CDH13: variants seen among roughly 807,000 people sequenced by gnomAD.
The protein encoded by CDH13 is cadherin 13.
A neutral mutation model predicts 63.8 loss-of-function variants in CDH13; 24 were observed. The ratio of observed to expected loss-of-function variants is 0.38; its 90% confidence interval spans 0.27 to 0.53. The LOEUF (loss-of-function observed/expected upper bound fraction) is 0.53. Ranked by LOEUF, CDH13 falls within the 20% of genes least tolerant of loss-of-function variation. The pLI is 0.85. For missense variants in CDH13, 1,049 were observed against 903.1 expected (o/e 1.16, Z -2.07); for synonymous variants, 503 against 355.3 (o/e 1.42, Z -4.67).
chr16:83,591,585 C>T (rs1480069992), intron 7 of CDH13, among the ~76,000 whole-genome samples: 1 of 152,182 alleles, frequency 6.6e-6, no homozygotes. Flanking sequence ...CTGTTGCAGC[C>T]TGATGTCTCC....
intron 1 of CDH13, among the ~76,000 whole-genome samples, chr16:82,761,349 A>G (rs934619385): frequency 6.6e-6 from 1 of 152,118 alleles, no homozygotes; most frequent in East Asian, 1.9e-4. Context: ...GAGGTGACAA[A>G]TATCCAAATC....
At chr16:83,101,186 A>C (rs114827445) in intron 3 of CDH13, among the ~76,000 whole-genome samples, 9,091 of 151,246 alleles carry the variant, frequency 0.06, 317 homozygotes, top group Non-Finnish European at 0.072. Flanking sequence ...GTCTCTTCTT[A>C]ATAGAAAAGT....
intron 9 of CDH13, among the ~76,000 whole-genome samples, chr16:83,672,752 C>A (rs1178841447): frequency 6.6e-6 from 1 of 152,122 alleles, no homozygotes; most frequent in Non-Finnish European, 1.5e-5. Context: ...TATCTATTTT[C>A]CTTGAGCTGT....
chr16:82,897,627 C>T (rs1285439179), intron 2 of CDH13, among the ~76,000 whole-genome samples: 1 of 152,214 alleles, frequency 6.6e-6, no homozygotes, highest in East Asian at 1.9e-4. Context: ...TAATAAATGA[C>T]TCAGCTCTGT....
At chr16:82,665,860 T>C (rs1912521780) in intron 1 of CDH13, among the ~76,000 whole-genome samples, 1 of 152,276 alleles carries the variant, frequency 6.6e-6, no homozygotes, top group African/African-American at 2.4e-5. Flanking sequence ...ACAAAGCCCA[T>C]TTTATAATGA....
At chr16:83,511,609 A>G (rs748210933) in intron 7 of CDH13, among the ~76,000 whole-genome samples, 19 of 152,240 alleles carry the variant, frequency 1.2e-4, no homozygotes, top group Non-Finnish European at 1.6e-4. Context: ...CCATACAAAC[A>G]TATTTATTAT....
In CDH13 at chr16:83,800,169, G is replaced by T. The variant is rs1904310587; in HGVS notation, c.*5139G>T. 6.6e-6 allele frequency: 1 copy of T among 152,148 alleles called. No homozygotes were observed. The highest frequency in any genetic ancestry group is 1.5e-5 in the Non-Finnish European group (1 of 68,024). The allele number at this position is 152,148 out of a possible 1,614,324, so 9.4% of individuals were successfully genotyped here. ...AAAGCGTTGGGTGGTGTAGGACGAG[G>T]GAGGTTTTCACTCTGAAGCTATGAA... On this transcript the variant is annotated 3_prime_UTR_variant, in exon 14 of 14. Coordinates refer to ENST00000567109, the MANE Select transcript of CDH13 (RefSeq NM_001257.5).
intron 1 of CDH13, among the ~76,000 whole-genome samples, chr16:82,739,309 A>T (rs560748628): frequency 6.6e-6 from 1 of 152,234 alleles, no homozygotes; most frequent in Non-Finnish European, 1.5e-5. Flanking sequence ...TAAAGAAATC[A>T]TCTTCTGCCA....
At chr16:83,220,665 G>GAAAAAAAAAAAAAAAAAAAA (rs2039670725) in intron 5 of CDH13, among the ~76,000 whole-genome samples, 1 of 117,790 alleles carries the variant, frequency 8.5e-6, no homozygotes, top group Non-Finnish European at 1.9e-5. Context: ...GAAAAAAAAA[G>GAAAAAAAAAAAAAAAAAAAA]AAAAAGAAAA....
At chr16:82,675,516 C>A (rs563752430) in intron 1 of CDH13, among the ~76,000 whole-genome samples, 1 of 152,206 alleles carries the variant, frequency 6.6e-6, no homozygotes, top group Non-Finnish European at 1.5e-5. Context: ...AAGAATTTGA[C>A]TCCTTGGCCC....
At chr16:83,021,824 C>G (rs1915375114) in intron 2 of CDH13, among the ~76,000 whole-genome samples, 2 of 152,206 alleles carry the variant, frequency 1.3e-5, no homozygotes, top group African/African-American at 4.8e-5. Context: ...AGTGCTGACT[C>G]TAGGCCAAAC....
intron 6 of CDH13, among the ~76,000 whole-genome samples, chr16:83,373,165 C>T (rs557672971): frequency 6.6e-6 from 1 of 152,102 alleles, no homozygotes; most frequent in Non-Finnish European, 1.5e-5. Flanking sequence ...AAAACGTTTG[C>T]CGTGCATAAC....
intron 4 of CDH13, among the ~76,000 whole-genome samples, chr16:83,166,405 G>A (rs1186926441): frequency 6.6e-6 from 1 of 151,940 alleles, no homozygotes; most frequent in Non-Finnish European, 1.5e-5. Flanking sequence ...ATGAGAGAGG[G>A]GCAAAACTCA....
Position 83,530,540 on chromosome 16 carries a change from A to G in CDH13, c.960+43885A>G, listed in dbSNP as rs531949432. On this transcript the variant is annotated intron_variant, in intron 7 of 13. Coordinates refer to ENST00000567109, the MANE Select transcript of CDH13 (RefSeq NM_001257.5). ...GTTAAGTTGTTGATGAGCAATTGTT[A>G]GGATTAATGGTCTCTGTGAGTCTAC... 3.9e-5 allele frequency among the ~76,000 whole-genome samples: 6 copies of G among 152,332 alleles called. No homozygotes were observed. The East Asian group carries it at 1.2e-3, about 29-fold the overall frequency.
chr16:82,856,007 T>C (rs979930636), intron 1 of CDH13, among the ~76,000 whole-genome samples: 2 of 152,206 alleles, frequency 1.3e-5, no homozygotes, highest in African/African-American at 2.4e-5. Context: ...ATTGAAGTTT[T>C]GTTTTCTAAG....
At chr16:83,439,426 A>G (rs2072419377) in intron 6 of CDH13, among the ~76,000 whole-genome samples, 1 of 152,196 alleles carries the variant, frequency 6.6e-6, no homozygotes, top group Non-Finnish European at 1.5e-5. Flanking sequence ...GTTAGAAAAG[A>G]CATATAATTT....
intron 1 of CDH13, among the ~76,000 whole-genome samples, chr16:82,642,935 G>T (rs1486208443): frequency 6.6e-6 from 1 of 152,144 alleles, no homozygotes; most frequent in African/African-American, 2.4e-5. Flanking sequence ...TCAAACTCAA[G>T]ACAATTCCAG....
At chr16:82,980,342 G>A (rs904325745) in intron 2 of CDH13, among the ~76,000 whole-genome samples, 11 of 152,152 alleles carry the variant, frequency 7.2e-5, no homozygotes, top group African/African-American at 2.7e-4. Flanking sequence ...CTTTGGCTGG[G>A]TCCGTAAAGA....
At chr16:82,896,418 T>A (rs942494904) in intron 2 of CDH13, among the ~76,000 whole-genome samples, 2 of 151,096 alleles carry the variant, frequency 1.3e-5, no homozygotes, top group Admixed American at 6.6e-5. Context: ...CTCATCCTCC[T>A]GAGAAGCTGG....
Sources: allele counts gnomAD v4.1 joint callset (sites outside exome capture counted in the v4.1 genomes callset), GRCh38; gene constraint gnomAD v4.1.1; transcripts MANE v1.5; gene names NCBI Gene and HGNC (gene_info 2026-07-23, HGNC 2026-07-21).